SMTNL2: variants seen among roughly 807,000 people sequenced by gnomAD.
SMTNL2 encodes smoothelin like 2.
SMTNL2 carries 43 observed loss-of-function variants against 44.1 expected under a neutral mutation model. The ratio of observed to expected loss-of-function variants is 0.98; its 90% confidence interval spans 0.76 to 1.26. The LOEUF is 1.26. Among genes scored for constraint, SMTNL2 ranks in the 50% most tolerant of loss-of-function variants. SMTNL2 has a pLI of 0.00. For synonymous variants in SMTNL2, 317 were observed against 287.6 expected, an observed-to-expected ratio of 1.10 and a Z score of -1.03; for missense variants, 646 against 670.2, an observed-to-expected ratio of 0.96 and a Z score of 0.40.
chr17:4,594,777 A>C (rs1909736694), intron 4 of SMTNL2, among the ~76,000 whole-genome samples: 1 of 151,898 alleles, frequency 6.6e-6, no homozygotes, highest in Non-Finnish European at 1.5e-5. Context: ...TGGGGAAAAC[A>C]AAGGGGGTCT....
In SMTNL2 at chr17:4,584,641, T is replaced by C. The variant is rs1274372396; in HGVS notation, c.36T>C (p.Thr12=). The C allele has an allele frequency of 5.6e-6, 7 of 1,260,224 alleles. No homozygotes were observed. The highest frequency in any genetic ancestry group is 6.0e-6 in the Non-Finnish European group (6 of 1,004,824). The allele number at this position is 1,260,224 out of a possible 1,614,324, so 78.1% of individuals were successfully genotyped here. A position where few individuals can be genotyped will look rare whatever the true frequency, so the allele number is the denominator to read the frequency against. The change falls in exon 1 of 8, where the codon ACT becomes ACC. Residue 12 remains threonine, a synonymous_variant. Transcript: ENST00000389313. ...EPAPDAQEAR[T]VREALGRYEA... ...CCCCCGACGCCCAGGAGGCGCGCAC[T>C]GTGCGCGAGGCGCTGGGCCGCTACG... is the stretch of plus-strand genomic sequence containing the variant.
intron 4 of SMTNL2, 152 bp from the exon 5 acceptor site, chr17:4,594,993 C>A: frequency 9.8e-7 from 1 of 1,018,176 alleles, no homozygotes; most frequent in Non-Finnish European, 1.4e-6. Flanking sequence ...CCTGTCAAAC[C>A]AGCTAGGGAC....
In SMTNL2 at chr17:4,607,659, A is replaced by G; in HGVS notation, c.*172A>G. The G allele has an allele frequency of 9.3e-7, 1 of 1,079,938 alleles. No individual in the cohort carries two copies. The highest frequency in any genetic ancestry group is 2.8e-5 in the Admixed American group (1 of 35,492). 66.9% of individuals were successfully genotyped at this position (1,079,938 alleles called of 1,614,324 possible). ...GAGCCCAGCTGTGTTACTGATTAAA[A>G]GTACTGCTGAGCTGTGGTCCGACAG... On this transcript the variant is annotated 3_prime_UTR_variant, in exon 8 of 8. Transcript: ENST00000389313. The surrounding 1 kb of genome is among the most constrained non-coding windows in gnomAD (Gnocchi z 4.7).
chr17:4,596,714 G>A (rs1332123365), intron 5 of SMTNL2, 146 bp from the exon 6 acceptor site: 10 of 613,396 alleles, frequency 1.6e-5, no homozygotes, highest in East Asian at 9.6e-5. Context: ...CTGAGCCCAC[G>A]TGTGCCACCA....
rs1909855403 is a variant in SMTNL2, at chr17:4,597,219, C to A, written c.1155C>A (p.Ala385=). The A allele has an allele frequency of 6.2e-7, 1 of 1,614,160 alleles. No individual in the cohort carries two copies. The highest frequency in any genetic ancestry group is 2.2e-5 in the East Asian group (1 of 44,888). ...NFSSSWSDGM[A]FCALVHSFFP... is the part of the protein sequence containing the mutation. The stretch of plus-strand genomic sequence containing the variant: ...CCTCCAGCTGGAGCGACGGCATGGC[C>A]TTCTGCGCCCTGGTACACTCCTTCT... Residue 385 remains alanine, a synonymous_variant, in exon 7 of 8, where the codon GCC becomes GCA. Coordinates refer to ENST00000389313, the MANE Select transcript of SMTNL2 (RefSeq NM_001114974.2).
At chr17:4,605,273 C>G (rs1373458276) in intron 7 of SMTNL2, among the ~76,000 whole-genome samples, 2 of 147,684 alleles carry the variant, frequency 1.4e-5, no homozygotes, top group Non-Finnish European at 3.0e-5. Flanking sequence ...GCGATCCTCT[C>G]ACCTCAGCCT....
At chr17:4,589,242 C>CT (rs1567631808) in intron 1 of SMTNL2, among the ~76,000 whole-genome samples, 22 of 152,244 alleles carry the variant, frequency 1.4e-4, no homozygotes, top group African/African-American at 4.8e-4. Flanking sequence ...GGAGGGCCTC[C>CT]CACCCACCTA....
rs1363216186 is a variant in SMTNL2, at chr17:4,597,333, G to A, written c.1259+10G>A. 2 of 1,613,166 alleles carry A rather than the reference G, an allele frequency of 1.2e-6. No individual in the cohort carries two copies. Among genetic ancestry groups the A allele is most frequent in the East Asian group, 2.2e-5 (1 of 44,864 alleles). On this transcript the variant is annotated intron_variant, in intron 7 of 7. Transcript: ENST00000389313. ...CTTTCACCATGGCCGAGTGAGTATG[G>A]TGGCTCCTGCTGGCTACCAGCCCCA... is the stretch of plus-strand genomic sequence containing the variant.
intron 1 of SMTNL2, among the ~76,000 whole-genome samples, chr17:4,588,894 C>T (rs1909449839): frequency 1.3e-5 from 2 of 152,350 alleles, no homozygotes; most frequent in South Asian, 4.1e-4. Context: ...AGGGGTTCCC[C>T]CTGCCCCACC....
At chr17:4,587,315 G>A (rs1876471013) in intron 1 of SMTNL2, among the ~76,000 whole-genome samples, 1 of 152,154 alleles carries the variant, frequency 6.6e-6, no homozygotes, top group African/African-American at 2.4e-5. Context: ...GCTGCCGCTG[G>A]GCTGACCCCC....
At chr17:4,585,616 G>A (rs1203369821) in intron 1 of SMTNL2, among the ~76,000 whole-genome samples, 2 of 152,266 alleles carry the variant, frequency 1.3e-5, no homozygotes, top group Non-Finnish European at 1.5e-5. Context: ...CCTCGGGTCA[G>A]TGACTAGCCA....
rs143307437 is a variant in SMTNL2 at position 4,598,082 on chromosome 17, G to C, written c.1259+759G>C. 0.011 allele frequency among the ~76,000 whole-genome samples: 1,639 copies of C among 152,304 alleles called. 28 individuals are homozygous for C. The highest frequency in any genetic ancestry group is 0.041 in the Admixed American group (631 of 15,306). On this transcript the variant is annotated intron_variant, in intron 7 of 7. Coordinates refer to ENST00000389313, the MANE Select transcript of SMTNL2 (RefSeq NM_001114974.2). The surrounding 1 kb of genome is among the most constrained non-coding windows in gnomAD (Gnocchi z 4.8). ...GGGTCAGGCCTCATGCAGCAGCCTC[G>C]GGATAACAGCAGTGTGGCGGATCTC...
chr17:4,599,484 TCACTCCAGCACC>T (rs1415383404), intron 7 of SMTNL2, among the ~76,000 whole-genome samples: 5 of 151,616 alleles, frequency 3.3e-5, no homozygotes. Context: ...AGCGGCAAGG[TCACTCCAGCACC>T]CACTCCAGCG....
In SMTNL2 at chr17:4,595,322, C is replaced by G; in HGVS notation, c.984C>G (p.Ala328=). Residue 328 remains alanine, a synonymous_variant, in exon 5 of 8, where the codon GCC becomes GCG. Coordinates refer to ENST00000389313, the MANE Select transcript of SMTNL2 (RefSeq NM_001114974.2). This position sits in a 1 kb window ranked among gnomAD's most constrained non-coding sequence, Gnocchi z 5.1. ...LFEKWEQETA[A]GKGKGEARAR... ...AGAAGTGGGAGCAGGAAACGGCGGC[C>G]GGCAAGTACGGATGCCCACTCACAG... The G allele has an allele frequency of 3.1e-6, 5 of 1,611,938 alleles. No homozygotes were observed. The highest frequency in any genetic ancestry group is 4.2e-6 in the Non-Finnish European group (5 of 1,179,082).
intron 1 of SMTNL2, among the ~76,000 whole-genome samples, chr17:4,588,148 AG>A (rs1909418016): frequency 6.6e-6 from 1 of 152,222 alleles, no homozygotes; most frequent in South Asian, 2.1e-4. Context: ...TTGTGAGTGG[AG>A]GAGGGCCGGG....
intron 7 of SMTNL2, among the ~76,000 whole-genome samples, chr17:4,604,283 C>A (rs574148736): frequency 6.6e-6 from 1 of 152,198 alleles, no homozygotes; most frequent in Non-Finnish European, 1.5e-5. Flanking sequence ...TTGGGCCAAA[C>A]CCACTCATCA....
In SMTNL2 at chr17:4,605,030, G is replaced by A. The variant is rs746310162; in HGVS notation, c.1260-2331G>A. Among the ~76,000 whole-genome samples the A allele has an allele frequency of 1.2e-4, 18 of 152,064 alleles. No individual in the cohort carries two copies. In the South Asian group the frequency reaches 1.9e-3, roughly 16 times the overall value. On this transcript the variant is annotated intron_variant, in intron 7 of 7. Coordinates refer to ENST00000389313, the MANE Select transcript of SMTNL2 (RefSeq NM_001114974.2). Reference sequence around the variant, plus strand: ...GAACAGTGAAGCAATGGGAGGAGTCGGGGTTTGAACTCTACTGTTTTGATC... The same window carrying A: ...GAACAGTGAAGCAATGGGAGGAGTCAGGGTTTGAACTCTACTGTTTTGATC...
At chr17:4,587,498 G>A (rs1271111571) in intron 1 of SMTNL2, among the ~76,000 whole-genome samples, 9 of 152,180 alleles carry the variant, frequency 5.9e-5, no homozygotes, top group Non-Finnish European at 1.2e-4. Context: ...TCAAGGAGCC[G>A]GGGCTCAGGG....
rs745768917 is a variant in SMTNL2 at position 4,607,377 on chromosome 17, G to A, written c.1276G>A (p.Glu426Lys). ...FTMAENLANC[E>K]RLIEVEDMMV... ...GTGTTTCAGGAATCTGGCCAACTGT[G>A]AGCGCCTCATCGAAGTGGAGGACAT... is the stretch of plus-strand genomic sequence containing the variant. The change falls in exon 8 of 8, where the codon GAG (glutamate) becomes AAG (lysine). Residue 426 changes from glutamate (E) to lysine (K), a missense_variant. Coordinates refer to ENST00000389313, the MANE Select transcript of SMTNL2 (RefSeq NM_001114974.2). The surrounding 1 kb of genome is among the most constrained non-coding windows in gnomAD (Gnocchi z 4.7). 2 of 1,614,144 alleles carry A rather than the reference G, an allele frequency of 1.2e-6. No homozygotes were observed. Among genetic ancestry groups the A allele is most frequent in the Non-Finnish European group, 1.7e-6 (2 of 1,180,028 alleles).
Sources: gnomAD v4.1 joint callset for allele counts (sites outside exome capture counted in the v4.1 genomes callset) on GRCh38, gnomAD v4.1.1 for gene constraint, Gnocchi (gnomAD v3.1) non-coding constraint, MANE v1.5 for transcripts, NCBI Gene and HGNC (gene_info 2026-07-23, HGNC 2026-07-21) for gene names.